PUM2: variants seen among roughly 807,000 people sequenced by gnomAD.
PUM2 encodes the protein pumilio homolog 2.
Under a neutral mutation model 124.5 loss-of-function variants are expected in PUM2, and 57 were observed. The ratio of observed to expected loss-of-function variants is 0.46; its 90% confidence interval spans 0.37 to 0.57. PUM2 has a LOEUF of 0.57. PUM2 is among the 20% of genes least tolerant of loss of function. PUM2 has a pLI of 0.00. For synonymous variants in PUM2, 460 were observed against 446.1 expected, an observed-to-expected ratio of 1.03 and a Z score of -0.39; for missense variants, 1,065 against 1,290.6, an observed-to-expected ratio of 0.83 and a Z score of 2.68.
intron 17 of PUM2, 119 bp downstream of exon 17, chr2:20,255,914 T>C: frequency 9.7e-7 from 1 of 1,035,234 alleles, no homozygotes; most frequent in Non-Finnish European, 1.3e-6. Context: ...TACTGTTTTG[T>C]ATCCTATTTT....
chr2:20,325,930 T>G (rs1201105258), intron 2 of PUM2, among the ~76,000 whole-genome samples: 1 of 152,182 alleles, frequency 6.6e-6, no homozygotes, highest in Non-Finnish European at 1.5e-5. Context: ...CTGACTCTCT[T>G]GCTCTTAAAG....
chr2:20,253,735 A>G, intron 20 of PUM2, 87 bp downstream of exon 20: 1 of 1,224,622 alleles, frequency 8.2e-7, no homozygotes, highest in East Asian at 2.5e-5. Flanking sequence ...GTTATAACAT[A>G]CGGGAGGAAA....
chr2:20,280,114 C>A (rs1299369954), intron 12 of PUM2, among the ~76,000 whole-genome samples: 1 of 151,918 alleles, frequency 6.6e-6, no homozygotes, highest in African/African-American at 2.4e-5. Context: ...CATGGGTAGA[C>A]CAAGGTAAGA....
In PUM2 at chr2:20,249,924, T is replaced by C. The variant is rs775953451; in HGVS notation, c.*1661A>G. ...TCACAATTTTGCCTTAAAAAGATTG[T>C]TGGGAAATGTACATAAGGCCGCTTG... On this transcript the variant is annotated 3_prime_UTR_variant, in exon 21 of 21. Transcript: ENST00000361078. 6.6e-6 allele frequency: 1 copy of C among 152,664 alleles called. No individual in the cohort carries two copies. The highest frequency in any genetic ancestry group is 1.5e-5 in the Non-Finnish European group (1 of 68,036). 9.5% of individuals were successfully genotyped at this position (152,664 alleles called of 1,614,324 possible). A position where few individuals can be genotyped will look rare whatever the true frequency, so the allele number is the denominator to read the frequency against.
chr2:20,289,259 C>G (rs572590552), intron 10 of PUM2, among the ~76,000 whole-genome samples: 1 of 152,296 alleles, frequency 6.6e-6, no homozygotes, highest in South Asian at 2.1e-4. Context: ...GCCAGAGGCA[C>G]TCTTCTTAAT....
At chr2:20,348,515 T>C (rs1688685427) in intron 1 of PUM2, among the ~76,000 whole-genome samples, 1 of 152,242 alleles carries the variant, frequency 6.6e-6, no homozygotes, top group African/African-American at 2.4e-5. Flanking sequence ...AGGAGACAGC[T>C]TGGTCACTGA....
chr2:20,291,114 A>G (rs1218215257), intron 9 of PUM2, among the ~76,000 whole-genome samples: 1 of 152,220 alleles, frequency 6.6e-6, no homozygotes, highest in Admixed American at 6.5e-5. Context: ...ATTATTCTCA[A>G]CAACAGAGAA....
intron 1 of PUM2, among the ~76,000 whole-genome samples, chr2:20,331,525 A>C (rs955757167): frequency 1.3e-5 from 2 of 151,888 alleles, no homozygotes; most frequent in African/African-American, 4.8e-5. Flanking sequence ...AAGATTAAGT[A>C]CTTCTAATCT....
intron 13 of PUM2, among the ~76,000 whole-genome samples, chr2:20,270,719 T>G (rs1183737311): frequency 6.6e-6 from 1 of 152,152 alleles, no homozygotes; most frequent in East Asian, 1.9e-4. Context: ...ACCAAGTAAT[T>G]TTTAAAAAGG....
In PUM2 at chr2:20,332,284, T is replaced by A. The variant is rs918539451; in HGVS notation, c.-18-4906A>T. ...AACTTTTTCACTTATACTACTAGAG[T>A]GTGTGTGTGTGTGTGTGTGTGTGTG... On this transcript the variant is annotated intron_variant, in intron 1 of 20. Coordinates refer to ENST00000361078, the MANE Select transcript of PUM2 (RefSeq NM_015317.5). 8.9e-4 allele frequency among the ~76,000 whole-genome samples: 45 copies of A among 50,290 alleles called. 1 individual carries two copies. The highest frequency in any genetic ancestry group is 2.0e-3 in the Admixed American group (8 of 4,000). The allele number at this position is 50,290 out of a possible 152,430, so 33.0% of individuals were successfully genotyped here. A position where few individuals can be genotyped will look rare whatever the true frequency, so the allele number is the denominator to read the frequency against.
At chr2:20,312,603 T>C (rs183952749) in intron 3 of PUM2, among the ~76,000 whole-genome samples, 180 bp from the exon 4 acceptor site, 1 of 152,276 alleles carries the variant, frequency 6.6e-6, no homozygotes, top group East Asian at 1.9e-4. Flanking sequence ...TCCATGCTCA[T>C]AGATAGGAAT....
At chr2:20,284,644 TA>T (rs1462377568) in intron 10 of PUM2, among the ~76,000 whole-genome samples, 1 of 152,226 alleles carries the variant, frequency 6.6e-6, no homozygotes, top group Non-Finnish European at 1.5e-5. Flanking sequence ...AAGAAGTTTT[TA>T]AAAACACAGA....
rs1665197103 is a variant in PUM2, at chr2:20,257,875, T to C, written c.2484+368A>G. On this transcript the variant is annotated intron_variant, in intron 16 of 20. Transcript: ENST00000361078. Reference sequence around the variant, plus strand: ...CATATATGTAAATAAAACTGACATATAGTAATGCTATTGGTTCCAAAAATT... The same window carrying C: ...CATATATGTAAATAAAACTGACATACAGTAATGCTATTGGTTCCAAAAATT... Among the ~76,000 whole-genome samples, 3 of 152,178 alleles carry C rather than the reference T, an allele frequency of 2.0e-5. No individual in the cohort carries two copies. The South Asian group carries it at 6.2e-4, about 31-fold the overall frequency.
intron 16 of PUM2, among the ~76,000 whole-genome samples, chr2:20,256,733 T>C (rs920674166): frequency 7.9e-5 from 12 of 152,106 alleles, no homozygotes; most frequent in African/African-American, 2.9e-4. Context: ...CTTTGTTCTT[T>C]TATAAAATGC....
intron 7 of PUM2, among the ~76,000 whole-genome samples, chr2:20,300,127 A>G (rs570368234): frequency 9.9e-5 from 15 of 151,842 alleles, no homozygotes; most frequent in African/African-American, 1.7e-4. Flanking sequence ...TTCCCATCAC[A>G]GCCTGAACCA....
intron 1 of PUM2, among the ~76,000 whole-genome samples, chr2:20,343,455 T>G (rs182262354): frequency 6.6e-6 from 1 of 151,936 alleles, no homozygotes; most frequent in East Asian, 1.9e-4. Flanking sequence ...ACTAAGTAAT[T>G]TATTAAATAA....
At chr2:20,290,884 TG>T (rs2148140720) in intron 9 of PUM2, 94 bp from the exon 10 acceptor site, 1 of 1,038,114 alleles carries the variant, frequency 9.6e-7, no homozygotes, top group South Asian at 2.4e-5. Context: ...AAACAGCCTT[TG>T]GATATTTTTT....
chr2:20,266,462 AAACAAC>A (rs201788291), intron 13 of PUM2, among the ~76,000 whole-genome samples: 2 of 151,446 alleles, frequency 1.3e-5, no homozygotes, highest in African/African-American at 2.4e-5. Flanking sequence ...AAACAAAACA[AAACAAC>A]AACAACAACA....
rs1016866388 is a variant in PUM2 at position 20,278,587 on chromosome 2, A to G, written c.1953T>C (p.His651=). Residue 651 remains histidine (H), a synonymous_variant, in exon 13 of 21, where the codon CAT becomes CAC. Transcript: ENST00000361078. ...LSSHGSSSSL[H]LGGLTNGSGR... ...GGGTTTTGGTTTTTTTTTTACCTAAATGCAAACTGGATGAGGATCCATGTG... is the reference window on the plus strand; with the variant it reads ...GGGTTTTGGTTTTTTTTTTACCTAAGTGCAAACTGGATGAGGATCCATGTG... The G allele has an allele frequency of 6.2e-7, 1 of 1,607,792 alleles. No homozygotes were observed.
Sources: gnomAD v4.1 joint callset for allele counts (sites outside exome capture counted in the v4.1 genomes callset) on GRCh38, gnomAD v4.1.1 for gene constraint, MANE v1.5 for transcripts, NCBI Gene and HGNC (gene_info 2026-07-23, HGNC 2026-07-21) for gene names.